OSER1: variants seen among roughly 807,000 people sequenced by gnomAD.
The protein encoded by OSER1 is oxidative stress-responsive serine-rich protein 1.
In OSER1, 15 loss-of-function variants were observed where a neutral mutation model predicts 26.3. The ratio of observed to expected loss-of-function variants is 0.57; its 90% CI spans 0.38 to 0.88. The LOEUF is 0.88. Among genes scored for constraint, OSER1 ranks in the 40% least tolerant of loss-of-function variants. The probability of loss-of-function intolerance (pLI) is 0.00; values close to 1 mark genes in which losing one functional copy is unlikely to be tolerated. For missense variants in OSER1, 313 were observed against 353.9 expected, an observed-to-expected ratio of 0.88 and a Z score of 0.93; for synonymous variants, 127 against 128.2, an observed-to-expected ratio of 0.99 and a Z score of 0.07.
chr20:44,200,340 G>C (rs1246875064), intron 3 of OSER1, among the ~76,000 whole-genome samples: 1 of 152,204 alleles, frequency 6.6e-6, no homozygotes, highest in East Asian at 1.9e-4. Flanking sequence ...TTTCAGGCTA[G>C]TCACTCTATC....
chr20:44,208,811 A>C (rs539457790), intron 1 of OSER1, among the ~76,000 whole-genome samples: 1 of 152,350 alleles, frequency 6.6e-6, no homozygotes, highest in East Asian at 1.9e-4. Flanking sequence ...TACCGAGTTC[A>C]TAAATCATCT....
chr20:44,210,378 G>A (rs369723492), intron 1 of OSER1, among the ~76,000 whole-genome samples: 2 of 152,230 alleles, frequency 1.3e-5, no homozygotes, highest in South Asian at 2.1e-4. Flanking sequence ...GGACTGGAAG[G>A]GGCAAAGGGC....
intron 3 of OSER1, among the ~76,000 whole-genome samples, chr20:44,202,540 A>G (rs2072994015): frequency 6.6e-6 from 1 of 152,222 alleles, no homozygotes; most frequent in Admixed American, 6.5e-5. Context: ...TATAAATCCA[A>G]CAAAATAACC....
intron 3 of OSER1, among the ~76,000 whole-genome samples, chr20:44,199,154 G>A (rs1039350601): frequency 3.3e-5 from 5 of 152,188 alleles, no homozygotes; most frequent in Non-Finnish European, 7.3e-5. Context: ...TGGTTAGAAT[G>A]TGTCACCCAA....
In OSER1 at chr20:44,197,254, A is replaced by C; in HGVS notation, c.677T>G (p.Leu226Trp). The C allele has an allele frequency of 6.2e-7, 1 of 1,614,150 alleles. No individual in the cohort carries two copies. Among genetic ancestry groups the C allele is most frequent in the South Asian group, 1.1e-5 (1 of 91,078 alleles). Residue 226 changes from leucine to tryptophan, a missense_variant, in exon 4 of 4, where the codon TTG (leucine) becomes TGG (tryptophan). Leu to Trp is a moderately conservative substitution (Grantham distance 61). Transcript: ENST00000255174. Reference sequence around the variant, plus strand: ...AAGTGTGGATCTTCGTTCTGGAGCCAAGGGAGGGACACTCTGCAGGCCTGA... The same window carrying C: ...AAGTGTGGATCTTCGTTCTGGAGCCCAGGGAGGGACACTCTGCAGGCCTGA... ...SFSGLQSVPP[L>W]APERRSTLED...
At chr20:44,198,651 A>AAAATAAAATT (rs1555865639) in intron 3 of OSER1, among the ~76,000 whole-genome samples, 1 of 151,920 alleles carries the variant, frequency 6.6e-6, no homozygotes, top group African/African-American at 2.4e-5. Flanking sequence ...AAAATAAAAT[A>AAAATAAAATT]AAATTAAATA....
intron 2 of OSER1, among the ~76,000 whole-genome samples, chr20:44,203,730 ACC>A (rs1555866785): frequency 7.5e-5 from 11 of 147,252 alleles, no homozygotes; most frequent in Non-Finnish European, 1.5e-4. Flanking sequence ...ACACACACAC[ACC>A]CCTCCTACTA....
At chr20:44,200,642 G>A (rs750400040) in intron 3 of OSER1, among the ~76,000 whole-genome samples, 42 of 152,162 alleles carry the variant, frequency 2.8e-4, no homozygotes, top group Non-Finnish European at 4.0e-4. Flanking sequence ...CGAATACAGA[G>A]AACAGAGGAC....
chr20:44,205,271 A>T (rs2281312), intron 2 of OSER1, among the ~76,000 whole-genome samples: 1 of 152,202 alleles, frequency 6.6e-6, no homozygotes, highest in African/African-American at 2.4e-5. Flanking sequence ...TTCCTGATAT[A>T]AAAAAATTAT....
intron 1 of OSER1, chr20:44,209,895 C>G (rs1200925712): frequency 6.6e-6 from 1 of 152,168 alleles, no homozygotes; most frequent in Admixed American, 6.5e-5. Flanking sequence ...GATTTCGAAA[C>G]TCCCAGACCA....
intron 1 of OSER1, among the ~76,000 whole-genome samples, 160 bp downstream of exon 1, chr20:44,210,536 A>T (rs2073093342): frequency 6.6e-6 from 1 of 152,148 alleles, no homozygotes; most frequent in African/African-American, 2.4e-5. Context: ...CGCGGCAGAT[A>T]AGGGGGCGCG....
rs151077407 is a variant in OSER1 at position 44,202,963 on chromosome 20, G to C, written c.189C>G (p.His63Gln). 6.4e-7 allele frequency: 1 copy of C among 1,565,974 alleles called. No homozygotes were observed. Among genetic ancestry groups the C allele is most frequent in the Non-Finnish European group, 8.8e-7 (1 of 1,136,648 alleles). The change falls in exon 3 of 4, where the codon CAC becomes CAG. Residue 63 changes from histidine (H) to glutamine (Q), a missense_variant and splice_region_variant. His to Gln is a conservative substitution (Grantham distance 24, BLOSUM62 0). Transcript: ENST00000255174. The part of the protein sequence containing the change: ...KTTCASKDSW[H>Q]GSTRKSSRGA... Reference sequence around the variant, plus strand: ...TCATCTCAATAAGAAGCTCTTACCCGTGCCAACTGTCTTTAGATGCACATG... The same window carrying C: ...TCATCTCAATAAGAAGCTCTTACCCCTGCCAACTGTCTTTAGATGCACATG...
chr20:44,202,967 C>A lies in OSER1; in HGVS notation c.185G>T (p.Trp62Leu). ...CTCAATAAGAAGCTCTTACCCGTGC[C>A]AACTGTCTTTAGATGCACATGTGGT... is the stretch of plus-strand genomic sequence containing the variant. Reference protein sequence around the residue: ...PKTTCASKDSWHGSTRKSSRG... With the variant: ...PKTTCASKDSLHGSTRKSSRG... The change falls in exon 3 of 4, where the codon TGG (tryptophan) becomes TTG (leucine). Residue 62 changes from tryptophan (W) to leucine (L), a missense_variant. Physicochemically the swap from Trp to Leu is moderately conservative, Grantham distance 61. This residue lies in a region of OSER1 where 300 missense variants were observed against 318.3 expected (regional missense o/e 0.94). Coordinates refer to ENST00000255174, the MANE Select transcript of OSER1 (RefSeq NM_016470.8). The A allele has an allele frequency of 6.3e-7, 1 of 1,584,988 alleles. No individual in the cohort carries two copies. Among genetic ancestry groups the A allele is most frequent in the South Asian group, 1.1e-5 (1 of 90,404 alleles).
chr20:44,205,959 A>G (rs933932621), intron 2 of OSER1, among the ~76,000 whole-genome samples: 2 of 151,348 alleles, frequency 1.3e-5, no homozygotes, highest in Admixed American at 6.6e-5. Context: ...AAAAAAAAAA[A>G]AAAAGAGCAG....
intron 3 of OSER1, among the ~76,000 whole-genome samples, chr20:44,198,192 A>C (rs2145919680): frequency 6.6e-6 from 1 of 152,336 alleles, no homozygotes; most frequent in African/African-American, 2.4e-5. Context: ...ATTACTATTA[A>C]ATAGATTTCT....
chr20:44,207,607 A>G (rs1438091607), intron 1 of OSER1: 1 of 152,254 alleles, frequency 6.6e-6, no homozygotes, highest in African/African-American at 2.4e-5. Flanking sequence ...GAATAGTGTA[A>G]TTAATTGTTA....
At chr20:44,208,111 C>T (rs903401666) in intron 1 of OSER1, among the ~76,000 whole-genome samples, 12 of 129,662 alleles carry the variant, frequency 9.3e-5, no homozygotes, top group Admixed American at 9.1e-4. Context: ...TTTACCCGCC[C>T]CCCCCCGCCC....
rs1372297394 is a variant in OSER1, at chr20:44,196,866, G to C, written c.*186C>G. ...TTGATCTGCTCGCCTTGAAGTGTAT[G>C]TAAGAACTCAAGAGAGTAAGTTGAA... On this transcript the variant is annotated 3_prime_UTR_variant, in exon 4 of 4. Coordinates refer to ENST00000255174, the MANE Select transcript of OSER1 (RefSeq NM_016470.8). 5.3e-6 allele frequency: 3 copies of C among 569,020 alleles called. No individual in the cohort carries two copies. The African/African-American group carries it at 5.6e-5, about 11-fold the overall frequency. The allele number at this position is 569,020 out of a possible 1,614,324, so 35.2% of individuals were successfully genotyped here. A position where few individuals can be genotyped will look rare whatever the true frequency, so the allele number is the denominator to read the frequency against.
chr20:44,197,571 C>A lies in OSER1; in HGVS notation c.360G>T (p.Gly120=), dbSNP rs1227555858. Residue 120 remains glycine (G), a synonymous_variant, in exon 4 of 4, where the codon GGG becomes GGT. Coordinates refer to ENST00000255174, the MANE Select transcript of OSER1 (RefSeq NM_016470.8). Reference sequence around the variant, plus strand: ...ACTCTTTAGGGGATGAAATTCCCAGCCCACTGCTGCCATCAGGTGAGTCAG... The same window carrying A: ...ACTCTTTAGGGGATGAAATTCCCAGACCACTGCTGCCATCAGGTGAGTCAG... ...SQTDSPDGSS[G]LGISSPKEFS... is the part of the protein sequence containing the mutation. 1.2e-6 allele frequency: 2 copies of A among 1,614,182 alleles called. No homozygotes were observed. Among genetic ancestry groups the A allele is most frequent in the Non-Finnish European group, 1.7e-6 (2 of 1,180,018 alleles).
Sources: allele counts gnomAD v4.1 joint callset (sites outside exome capture counted in the v4.1 genomes callset), GRCh38; gene constraint gnomAD v4.1.1; regional missense constraint gnomAD v4.1.1; transcripts MANE v1.5; gene names NCBI Gene and HGNC (gene_info 2026-07-23, HGNC 2026-07-21).